The following TMEM182 variants were observed in gnomAD, a reference collection of about 807,000 sequenced individuals.
The protein encoded by TMEM182 is transmembrane protein 182.
TMEM182 carries 20 observed loss-of-function variants against 26.8 expected under a neutral mutation model. The observed-to-expected ratio is 0.75, with a 90% CI of 0.53 to 1.09. TMEM182 has a LOEUF of 1.09. Among genes scored for constraint, TMEM182 ranks in the 50% least tolerant of loss-of-function variants. TMEM182 has a pLI of 0.00. For synonymous variants in TMEM182, 109 were observed against 102.2 expected, an observed-to-expected ratio of 1.07 and a Z score of -0.40; for missense variants, 277 against 275.5, an observed-to-expected ratio of 1.01 and a Z score of -0.04.
chr2:102,751,860 G>A (rs986263303), intron 1 of TMEM182, among the ~76,000 whole-genome samples: 8 of 152,006 alleles, frequency 5.3e-5, no homozygotes, highest in African/African-American at 1.9e-4. Flanking sequence ...AGAGATGGGG[G>A]TTTCATTATC....
At chr2:102,750,708 G>A (rs1368751885) in intron 1 of TMEM182, among the ~76,000 whole-genome samples, 2 of 152,116 alleles carry the variant, frequency 1.3e-5, no homozygotes, top group Non-Finnish European at 2.9e-5. Context: ...ATAGAACAGT[G>A]GTTTCCAACC....
In TMEM182 at chr2:102,764,394, G is replaced by C; in HGVS notation, c.298G>C (p.Glu100Gln). 1 of 1,613,808 alleles carries C rather than the reference G, an allele frequency of 6.2e-7. No homozygotes were observed. Among genetic ancestry groups the C allele is most frequent in the South Asian group, 1.1e-5 (1 of 91,072 alleles). ...GTCTCCGTACCCCTTCATGAGAGGC[G>C]AGCACAACTCGACCTCCTATGACTC... Reference protein sequence around the residue: ...YLSPYPFMRGEHNSTSYDSAV... With the variant: ...YLSPYPFMRGQHNSTSYDSAV... Residue 100 changes from glutamate to glutamine, a missense_variant, in exon 3 of 5, where the codon GAG becomes CAG. By Grantham distance (29) the Glu-to-Gln change is conservative (BLOSUM62 2). Transcript: ENST00000412401.
In TMEM182 at chr2:102,768,008, G is replaced by A. The variant is rs142144291; in HGVS notation, c.331+3581G>A. 3.9e-3 allele frequency among the ~76,000 whole-genome samples: 588 copies of A among 152,024 alleles called. 8 individuals are homozygous for A. Among genetic ancestry groups the A allele is most frequent in the African/African-American group, 0.014 (562 of 41,464 alleles). ...CTCTGTTCATTTTTCTAACAGAGCG[G>A]GTTTATCTCCAGCTAGTTCAAACTT... On this transcript the variant is annotated intron_variant, in intron 3 of 4. Coordinates refer to ENST00000412401, the MANE Select transcript of TMEM182 (RefSeq NM_144632.5).
chr2:102,842,505 G>A (rs950972095), intron 3 of TMEM182, among the ~76,000 whole-genome samples: 1 of 151,982 alleles, frequency 6.6e-6, no homozygotes, highest in African/African-American at 2.4e-5. Flanking sequence ...CCAATTCCAG[G>A]GCTCCACCTA....
At chr2:102,738,696 A>G (rs1271091558) in intron 1 of TMEM182, among the ~76,000 whole-genome samples, 1 of 152,136 alleles carries the variant, frequency 6.6e-6, no homozygotes, top group Non-Finnish European at 1.5e-5. Flanking sequence ...AAAAAAAGGG[A>G]ATAATATAAC....
At chr2:102,798,156 A>G (rs1681963084) in intron 4 of TMEM182, among the ~76,000 whole-genome samples, 156 bp downstream of exon 4, 2 of 152,240 alleles carry the variant, frequency 1.3e-5, no homozygotes, top group African/African-American at 2.4e-5. Context: ...ATATTTGTAT[A>G]CAATACTTCT....
chr2:102,738,812 T>C (rs903216908), intron 1 of TMEM182, among the ~76,000 whole-genome samples: 8 of 152,184 alleles, frequency 5.3e-5, no homozygotes, highest in African/African-American at 1.9e-4. Flanking sequence ...AGTCAGTTGG[T>C]TGAAATTTAG....
chr2:102,784,940 T>A (rs1448263187), intron 3 of TMEM182, among the ~76,000 whole-genome samples: 2 of 152,186 alleles, frequency 1.3e-5, no homozygotes, highest in East Asian at 1.9e-4. Context: ...TGACCTTCTA[T>A]CTTGTCCTGT....
intron 3 of TMEM182, among the ~76,000 whole-genome samples, chr2:102,837,530 T>C (rs1683267647): frequency 1.3e-5 from 1 of 79,420 alleles, no homozygotes; most frequent in African/African-American, 5.1e-5. Flanking sequence ...TGTGTGTCAG[T>C]GCTGTGGGGG....
intron 3 of TMEM182, among the ~76,000 whole-genome samples, chr2:102,837,051 CTG>C (rs1253784754): frequency 6.6e-6 from 1 of 152,178 alleles, no homozygotes; most frequent in Non-Finnish European, 1.5e-5. Context: ...GATGAGAGGT[CTG>C]TGTTATTATG....
At chr2:102,791,706 T>G (rs1230439355) in intron 3 of TMEM182, among the ~76,000 whole-genome samples, 1 of 152,242 alleles carries the variant, frequency 6.6e-6, no homozygotes, top group Non-Finnish European at 1.5e-5. Flanking sequence ...GTAAATGTAT[T>G]TCCATTGTAA....
chr2:102,825,241 T>G (rs1683011636), intron 3 of TMEM182, among the ~76,000 whole-genome samples: 1 of 152,136 alleles, frequency 6.6e-6, no homozygotes, highest in Admixed American at 6.5e-5. Context: ...CTGTTTTTCT[T>G]TACAAAAGTA....
chr2:102,820,133 G>A (rs1277133824), downstream of TMEM182, among the ~76,000 whole-genome samples: 1 of 152,168 alleles, frequency 6.6e-6, no homozygotes, highest in Non-Finnish European at 1.5e-5. Context: ...TTCCCTGTCA[G>A]CTCCTTATTT....
chr2:102,792,175 C>T (rs1166747582), intron 3 of TMEM182, among the ~76,000 whole-genome samples: 1 of 151,236 alleles, frequency 6.6e-6, no homozygotes, highest in Non-Finnish European at 1.5e-5. Context: ...AATTTAAAGC[C>T]TATCTCCAAC....
chr2:102,833,086 C>T (rs932992131), intron 3 of TMEM182, among the ~76,000 whole-genome samples: 2 of 152,210 alleles, frequency 1.3e-5, no homozygotes, highest in African/African-American at 2.4e-5. Flanking sequence ...GTGCCTTTGC[C>T]GTGGTTTACA....
chr2:102,842,966 T>C (rs933337883), intron 3 of TMEM182, among the ~76,000 whole-genome samples: 4 of 152,160 alleles, frequency 2.6e-5, no homozygotes, highest in Non-Finnish European at 5.9e-5. Context: ...TGGCCATAGC[T>C]GTTGACAAAG....
chr2:102,770,761 C>G (rs1320270800), intron 3 of TMEM182, among the ~76,000 whole-genome samples: 1 of 152,154 alleles, frequency 6.6e-6, no homozygotes, highest in Admixed American at 6.5e-5. Context: ...ACCAACAGAG[C>G]ACAGCATGGC....
At chr2:102,777,994 A>G (rs1183820736) in intron 3 of TMEM182, among the ~76,000 whole-genome samples, 2 of 151,864 alleles carry the variant, frequency 1.3e-5, no homozygotes, top group Non-Finnish European at 2.9e-5. Context: ...GTTTTATTGT[A>G]TTCTATAAAT....
At chr2:102,798,029 C>T (rs565840796) in intron 4 of TMEM182, 29 bp downstream of exon 4, 4 of 1,576,564 alleles carry the variant, frequency 2.5e-6, no homozygotes, top group Non-Finnish European at 3.4e-6. Flanking sequence ...GTATGACTTT[C>T]AGCCACGGTT....
Sources: gnomAD v4.1 joint callset for allele counts (sites outside exome capture counted in the v4.1 genomes callset) on GRCh38, gnomAD v4.1.1 for gene constraint, MANE v1.5 for transcripts, NCBI Gene and HGNC (gene_info 2026-07-23, HGNC 2026-07-21) for gene names.